ZBTB44: variants seen among roughly 807,000 people sequenced by gnomAD.
The protein encoded by ZBTB44 is zinc finger and BTB domain containing 44.
In ZBTB44, 15 loss-of-function variants were observed where a neutral mutation model predicts 54.0. That is an observed-to-expected ratio of 0.28 (90% CI 0.19 to 0.43). The LOEUF (loss-of-function observed/expected upper bound fraction) is 0.43. Ranked by LOEUF, ZBTB44 falls within the 20% of genes least tolerant of loss-of-function variation. ZBTB44 has a pLI of 1.00. For missense variants in ZBTB44, 487 were observed against 707.1 expected (o/e 0.69, Z 3.53); for synonymous variants, 230 against 250.1 (o/e 0.92, Z 0.76).
chr11:130,279,158 C>T (rs1459109952), intron 1 of ZBTB44, among the ~76,000 whole-genome samples: 5 of 152,064 alleles, frequency 3.3e-5, no homozygotes, highest in African/African-American at 1.2e-4. Context: ...TATTTCCCCA[C>T]TTCCCCAACC....
intron 1 of ZBTB44, among the ~76,000 whole-genome samples, chr11:130,277,289 T>C (rs1421687804): frequency 2.6e-5 from 4 of 152,238 alleles, no homozygotes; most frequent in South Asian, 2.1e-4. Context: ...TTGTTTTTAG[T>C]AGTTGCTCAA....
At chr11:130,306,438 G>A (rs1249007057) in intron 1 of ZBTB44, among the ~76,000 whole-genome samples, 1 of 151,670 alleles carries the variant, frequency 6.6e-6, no homozygotes, top group South Asian at 2.1e-4. Flanking sequence ...GGAGGCAGAG[G>A]TTGCAGTGAG....
intron 1 of ZBTB44, among the ~76,000 whole-genome samples, chr11:130,305,874 T>A (rs1942237840): frequency 6.6e-6 from 1 of 151,938 alleles, no homozygotes; most frequent in South Asian, 2.1e-4. Context: ...ATCCAGAATC[T>A]ACAAGGAATA....
At chr11:130,258,391 T>C (rs1565657251) in intron 2 of ZBTB44, among the ~76,000 whole-genome samples, 3 of 140,422 alleles carry the variant, frequency 2.1e-5, no homozygotes, top group East Asian at 1.9e-4. Flanking sequence ...CACACCAAGA[T>C]AAGTGCACTG....
chr11:130,305,779 A>G (rs757716999), intron 1 of ZBTB44, among the ~76,000 whole-genome samples: 14 of 152,244 alleles, frequency 9.2e-5, no homozygotes, highest in Non-Finnish European at 1.9e-4. Context: ...GCTTCTACAT[A>G]GCAAAAGAAA....
chr11:130,306,511 AAAG>A (rs1942272089), intron 1 of ZBTB44, among the ~76,000 whole-genome samples: 1 of 152,132 alleles, frequency 6.6e-6, no homozygotes, highest in Non-Finnish European at 1.5e-5. Context: ...CAAAAAAAAA[AAAG>A]AACTAAAAGT....
At chr11:130,305,165 T>C (rs1314723803) in intron 1 of ZBTB44, among the ~76,000 whole-genome samples, 1 of 152,182 alleles carries the variant, frequency 6.6e-6, no homozygotes, top group African/African-American at 2.4e-5. Flanking sequence ...ATCAATATGG[T>C]GACAATGACC....
At chr11:130,233,059 G>A in intron 7 of ZBTB44, 1 of 396,514 alleles carries the variant, frequency 2.5e-6, no homozygotes, top group Non-Finnish European at 4.5e-6. Context: ...TATTTATTAT[G>A]TCCAAAAGAG....
intron 1 of ZBTB44, among the ~76,000 whole-genome samples, chr11:130,263,577 T>C (rs1939033622): frequency 6.6e-6 from 1 of 152,184 alleles, no homozygotes; most frequent in Non-Finnish European, 1.5e-5. Flanking sequence ...AAACAGCATA[T>C]TTGGAAGACA....
chr11:130,239,679 C>T, intron 3 of ZBTB44, 133 bp downstream of exon 3: 2 of 670,454 alleles, frequency 3.0e-6, no homozygotes, highest in Non-Finnish European at 5.0e-6. Flanking sequence ...TGTGATGATG[C>T]TACTTCATTA....
chr11:130,229,325 C>T lies in ZBTB44; in HGVS notation c.*2439G>A, dbSNP rs1953791292. 6.6e-6 allele frequency: 1 copy of T among 152,136 alleles called. No individual in the cohort carries two copies. The highest frequency in any genetic ancestry group is 2.1e-4 in the South Asian group (1 of 4,826). The allele number at this position is 152,136 out of a possible 1,614,324, so 9.4% of individuals were successfully genotyped here. A position where few individuals can be genotyped will look rare whatever the true frequency, so the allele number is the denominator to read the frequency against. ...GGTACTACAAGTCTTCATCCCATAA[C>T]TGACACAGGCTTAACCCCCCATAAA... is the stretch of plus-strand genomic sequence containing the variant. On this transcript the variant is annotated 3_prime_UTR_variant, in exon 8 of 8. Transcript: ENST00000357899.
chr11:130,248,597 C>T (rs1398594751), intron 2 of ZBTB44, among the ~76,000 whole-genome samples: 1 of 151,032 alleles, frequency 6.6e-6, no homozygotes, highest in African/African-American at 2.4e-5. Flanking sequence ...GCTGACATCA[C>T]ACCACAGCAC....
intron 2 of ZBTB44, among the ~76,000 whole-genome samples, chr11:130,245,325 A>G (rs1482970427): frequency 6.6e-6 from 1 of 152,212 alleles, no homozygotes; most frequent in East Asian, 1.9e-4. Flanking sequence ...GAACCAGATA[A>G]TGCTGCATTT....
rs138750376 is a variant in ZBTB44, at chr11:130,308,939, C to T, written c.-57+5436G>A. 9.2e-4 allele frequency among the ~76,000 whole-genome samples: 140 copies of T among 152,312 alleles called. 1 individual carries two copies. In the East Asian group the frequency reaches 0.022, roughly 24 times the overall value. On this transcript the variant is annotated intron_variant, in intron 1 of 7. Coordinates refer to ENST00000357899, the MANE Select transcript of ZBTB44 (RefSeq NM_001301098.2). ...AAAAGGGTACAGCAAAAAGAAAAAG[C>T]AGATAAGGTATAAGTCTGCCTTTCT... is the stretch of plus-strand genomic sequence containing the variant.
At chr11:130,305,763 T>C (rs191873755) in intron 1 of ZBTB44, among the ~76,000 whole-genome samples, 11 of 152,188 alleles carry the variant, frequency 7.2e-5, no homozygotes, top group Admixed American at 7.2e-4. Flanking sequence ...CTAATTAAAC[T>C]AAAAAGCTTC....
chr11:130,234,285 G>T lies in ZBTB44; in HGVS notation c.1569-12C>A. Reference sequence around the variant, plus strand: ...GTACTAGGAAATCACTAGATAAGAGGCAAAGGATGAAATATGGAATTAATT... The same window carrying T: ...GTACTAGGAAATCACTAGATAAGAGTCAAAGGATGAAATATGGAATTAATT... On this transcript the variant is annotated splice_polypyrimidine_tract_variant and intron_variant, in intron 5 of 7. Coordinates refer to ENST00000357899, the MANE Select transcript of ZBTB44 (RefSeq NM_001301098.2). The T allele has an allele frequency of 1.3e-6, 2 of 1,522,480 alleles. No homozygotes were observed. Among genetic ancestry groups the T allele is most frequent in the Middle Eastern group, 1.7e-4 (1 of 5,776 alleles). The allele number at this position is 1,522,480 out of a possible 1,614,324, so 94.3% of individuals were successfully genotyped here.
At chr11:130,250,108 T>C (rs1204034970) in intron 2 of ZBTB44, among the ~76,000 whole-genome samples, 1 of 152,144 alleles carries the variant, frequency 6.6e-6, no homozygotes, top group Admixed American at 6.5e-5. Flanking sequence ...TACTGAGGCT[T>C]GAGTAGTTGG....
At chr11:130,280,337 T>G (rs1056425271) in intron 1 of ZBTB44, among the ~76,000 whole-genome samples, 1 of 152,118 alleles carries the variant, frequency 6.6e-6, no homozygotes, top group Non-Finnish European at 1.5e-5. Context: ...AGGGGAAAGG[T>G]TGGAAAAGAA....
chr11:130,257,211 C>T (rs1379259160), intron 2 of ZBTB44, among the ~76,000 whole-genome samples: 1 of 143,130 alleles, frequency 7.0e-6, no homozygotes, highest in Non-Finnish European at 1.5e-5. Context: ...ACACAACTTG[C>T]ATGTTCAGCA....
Sources: allele counts gnomAD v4.1 joint callset (sites outside exome capture counted in the v4.1 genomes callset), GRCh38; gene constraint gnomAD v4.1.1; transcripts MANE v1.5; gene names NCBI Gene and HGNC (gene_info 2026-07-23, HGNC 2026-07-21).